THOC5: variants seen among roughly 807,000 people sequenced by gnomAD.
THOC5 encodes Fms-interacting protein.
THOC5 carries 43 observed loss-of-function variants against 92.9 expected under a neutral mutation model. The observed-to-expected ratio is 0.46, with a 90% CI of 0.36 to 0.60. The LOEUF is 0.60. Ranked by LOEUF, THOC5 falls within the 20% of genes least tolerant of loss-of-function variation. The pLI is 0.00. For missense variants in THOC5, 659 were observed against 849.4 expected (o/e 0.78, Z 2.79); for synonymous variants, 296 against 320.1 (o/e 0.92, Z 0.80).
At chr22:29,528,861 C>T in intron 9 of THOC5, 1 of 504,800 alleles carries the variant, frequency 2.0e-6, no homozygotes, top group Non-Finnish European at 3.5e-6. Context: ...TTATTTAATC[C>T]ACATAACAAT....
chr22:29,539,613 T>C, intron 5 of THOC5, 137 bp from the exon 6 acceptor site: 1 of 895,814 alleles, frequency 1.1e-6, no homozygotes, highest in Non-Finnish European at 1.7e-6. Context: ...TCTCCACAAA[T>C]GCTCATTAGC....
At position 29,528,090 on chromosome 22, in the gene THOC5, G is replaced by C. The variant is rs769652979; in HGVS notation, c.1054C>G (p.Leu352Val). Residue 352 changes from leucine to valine, a missense_variant, in exon 11 of 20, where the codon CTG becomes GTG. Coordinates refer to ENST00000490103, the MANE Select transcript of THOC5 (RefSeq NM_003678.5). ...KRHPLSVMLD[L>V]KCKDDSVLHL... is the part of the protein sequence containing the mutation. ...AGTGCAACCAGACCTTTGCACTTCA[G>C]GTCGAGCATGACAGACAGTGGGTGC... 43 of 1,614,080 alleles carry C rather than the reference G, an allele frequency of 2.7e-5. No homozygotes were observed. The highest frequency in any genetic ancestry group is 3.1e-5 in the Non-Finnish European group (36 of 1,180,038).
intron 7 of THOC5, chr22:29,535,202 G>GCA (rs2063734926): frequency 6.9e-6 from 1 of 145,628 alleles, no homozygotes; most frequent in African/African-American, 2.6e-5. Flanking sequence ...GGCAGAGGTT[G>GCA]CAGTGAGCCG....
At chr22:29,511,442 C>G (rs966703508) in intron 18 of THOC5, 146 bp from the exon 19 acceptor site, 6 of 781,886 alleles carry the variant, frequency 7.7e-6, no homozygotes, top group Non-Finnish European at 1.2e-5. Flanking sequence ...TCAAGCTAGA[C>G]TGGCTTGTCC....
rs756194671 is a variant in THOC5 at position 29,508,460 on chromosome 22, G to C, written c.2049C>G (p.Arg683=). 8.1e-6 allele frequency: 13 copies of C among 1,614,094 alleles called. No homozygotes were observed. The highest frequency in any genetic ancestry group is 1.6e-4 in the Middle Eastern group (1 of 6,084). ...AAACAACGGTCTGCGCGGGAGATCAGCGATGGCTGAAGAATCCCTGAGGAT... is the reference window on the plus strand; with the variant it reads ...AAACAACGGTCTGCGCGGGAGATCACCGATGGCTGAAGAATCCCTGAGGAT... ...YNHPQGFFSH[R] is the part of the protein sequence containing the mutation. Residue 683 remains arginine, a synonymous_variant, in exon 20 of 20, where the codon CGC becomes CGG. Transcript: ENST00000490103.
In THOC5 at chr22:29,522,291, C is replaced by T. The variant is rs532263831; in HGVS notation, c.1176-1192G>A. On this transcript the variant is annotated intron_variant, in intron 12 of 19. Coordinates refer to ENST00000490103, the MANE Select transcript of THOC5 (RefSeq NM_003678.5). ...AGGAGAATGGTGTGAACCCGGGAGA[C>T]GGAGCTGGCAATAAGCCAAGATTGC... 1.8e-4 allele frequency among the ~76,000 whole-genome samples: 28 copies of T among 151,688 alleles called. No homozygotes were observed. In the South Asian group the frequency reaches 5.8e-3, roughly 32 times the overall value.
At chr22:29,515,051 G>T (rs1054946214) in intron 17 of THOC5, among the ~76,000 whole-genome samples, 248 of 146,740 alleles carry the variant, frequency 1.7e-3, no homozygotes, top group African/African-American at 5.9e-3. Flanking sequence ...TTTTGTTGTT[G>T]TTTTTTTTGA....
chr22:29,511,985 T>C (rs1366011765), intron 18 of THOC5, 36 bp downstream of exon 18: 1 of 1,585,582 alleles, frequency 6.3e-7, no homozygotes, highest in Non-Finnish European at 8.7e-7. Context: ...CCGGGAGCTC[T>C]GCCTGCTCCT....
chr22:29,528,356 G>A (rs1291918335), intron 10 of THOC5, 70 bp downstream of exon 10: 1 of 1,614,056 alleles, frequency 6.2e-7, no homozygotes, highest in Non-Finnish European at 8.5e-7. Flanking sequence ...AGGGAGGACG[G>A]CACCTGCGAA....
rs1289443464 is a variant in THOC5, at chr22:29,539,485, A to G, written c.453-9T>C. 16 of 1,610,362 alleles carry G rather than the reference A, an allele frequency of 9.9e-6. No homozygotes were observed. Among genetic ancestry groups the G allele is most frequent in the Non-Finnish European group, 1.2e-5 (14 of 1,178,630 alleles). On this transcript the variant is annotated splice_polypyrimidine_tract_variant and intron_variant, in intron 5 of 19. Transcript: ENST00000490103. ...TTTCTTCATGCTTTGACCTACAGACAAAAACATGACATCAAGCTGCTGTTC... is the reference window on the plus strand; with the variant it reads ...TTTCTTCATGCTTTGACCTACAGACGAAAACATGACATCAAGCTGCTGTTC...
rs1491105374 is a variant in THOC5, at chr22:29,538,800, G to GAAAAAAAAAAA, written c.599+529_599+530insTTTTTTTTTTT. ...CAATAGAGTGAAACGCCATCTCTTT[G>GAAAAAAAAAAA]GAAAAAAAAAAAAAAAAAAAAAAAA... is the stretch of plus-strand genomic sequence containing the variant. On this transcript the variant is annotated intron_variant, in intron 6 of 19. Coordinates refer to ENST00000490103, the MANE Select transcript of THOC5 (RefSeq NM_003678.5). Among the ~76,000 whole-genome samples the GAAAAAAAAAAA allele has an allele frequency of 6.1e-5, 2 of 33,000 alleles. 1 individual carries two copies. 21.6% of individuals were successfully genotyped at this position (33,000 alleles called of 152,430 possible).
At chr22:29,531,355 C>A in intron 8 of THOC5, 33 of 985,440 alleles carry the variant, frequency 3.3e-5, no homozygotes, top group Non-Finnish European at 4.0e-5. Flanking sequence ...GAGTCACAGG[C>A]TGCCCTCAAG....
rs771927979 is a variant in THOC5 at position 29,543,410 on chromosome 22, T to G, written c.354+19A>C. The G allele has an allele frequency of 6.7e-7, 1 of 1,495,042 alleles. No individual in the cohort carries two copies. Among genetic ancestry groups the G allele is most frequent in the South Asian group, 1.1e-5 (1 of 87,882 alleles). 92.6% of individuals were successfully genotyped at this position (1,495,042 alleles called of 1,614,324 possible). On this transcript the variant is annotated intron_variant, in intron 4 of 19. Coordinates refer to ENST00000490103, the MANE Select transcript of THOC5 (RefSeq NM_003678.5). ...GAGGAGGAAGGAGGAAGGTTAAAATTAAACCTTTTAACTACTACCTCGTGG... is the reference window on the plus strand; with the variant it reads ...GAGGAGGAAGGAGGAAGGTTAAAATGAAACCTTTTAACTACTACCTCGTGG...
chr22:29,539,661 C>T (rs992564524), intron 5 of THOC5, among the ~76,000 whole-genome samples, 185 bp from the exon 6 acceptor site: 2 of 152,120 alleles, frequency 1.3e-5, no homozygotes, highest in African/African-American at 4.8e-5. Context: ...TGGTGACATG[C>T]CATAGGATCC....
intron 17 of THOC5, among the ~76,000 whole-genome samples, chr22:29,516,778 G>A (rs2063340699): frequency 6.6e-6 from 1 of 152,198 alleles, no homozygotes; most frequent in South Asian, 2.1e-4. Flanking sequence ...TTGCAACTAA[G>A]CCTGAATTTC....
intron 12 of THOC5, among the ~76,000 whole-genome samples, chr22:29,524,164 T>A (rs1319974974): frequency 6.6e-6 from 1 of 152,248 alleles, no homozygotes. Flanking sequence ...CACCTGGCTA[T>A]GACAGCAGTG....
chr22:29,527,150 T>C (rs569440536), intron 11 of THOC5, among the ~76,000 whole-genome samples: 1 of 152,132 alleles, frequency 6.6e-6, no homozygotes, highest in Non-Finnish European at 1.5e-5. Context: ...CCAGCCATGG[T>C]GGTGCACGCT....
chr22:29,546,058 T>C (rs2064011717), intron 2 of THOC5, among the ~76,000 whole-genome samples: 5 of 152,248 alleles, frequency 3.3e-5, no homozygotes. Context: ...TTGACTTCTG[T>C]GCACCCACAG....
chr22:29,524,414 G>A (rs1401726845), intron 12 of THOC5, among the ~76,000 whole-genome samples: 3 of 152,132 alleles, frequency 2.0e-5, no homozygotes, highest in Non-Finnish European at 2.9e-5. Context: ...ACCACACAGC[G>A]AGGAAACAGA....
Sources: gnomAD v4.1 joint callset for allele counts (sites outside exome capture counted in the v4.1 genomes callset) on GRCh38, gnomAD v4.1.1 for gene constraint, MANE v1.5 for transcripts, NCBI Gene and HGNC (gene_info 2026-07-23, HGNC 2026-07-21) for gene names.